Variants in MLXIP observed in about 807,000 individuals in gnomAD.
MLXIP encodes the protein MLX interacting protein, also known as MLX-interacting protein.
A neutral mutation model predicts 87.2 loss-of-function variants in MLXIP; 30 were observed. The observed-to-expected ratio is 0.34, with a 90% CI of 0.26 to 0.47. The LOEUF (loss-of-function observed/expected upper bound fraction) is 0.47, where lower values mean the gene tolerates loss of function less well. Among genes scored for constraint, MLXIP ranks in the 20% least tolerant of loss-of-function variants. MLXIP has a pLI of 1.00. For synonymous variants in MLXIP, 530 were observed against 514.0 expected, an observed-to-expected ratio of 1.03 and a Z score of -0.42; for missense variants, 1,002 against 1,240.1, an observed-to-expected ratio of 0.81 and a Z score of 2.88.
At chr12:122,101,570 T>C (rs535263037) in intron 1 of MLXIP, among the ~76,000 whole-genome samples, 3 of 98,886 alleles carry the variant, frequency 3.0e-5, no homozygotes, top group African/African-American at 1.4e-4. Context: ...TTATTTATTT[T>C]TTTCTTTTTT....
chr12:122,125,059 A>G (rs773191762), intron 1 of MLXIP, among the ~76,000 whole-genome samples: 1 of 152,220 alleles, frequency 6.6e-6, no homozygotes, highest in South Asian at 2.1e-4. Context: ...CCAGCTATAC[A>G]GGAGGCTGAG....
intron 3 of MLXIP, chr12:122,128,871 C>G: frequency 4.4e-6 from 2 of 451,856 alleles, no homozygotes; most frequent in South Asian, 5.6e-5. Context: ...CTGCTCTCAC[C>G]CTGTCCTCCT....
At chr12:122,094,929 G>A (rs1441041109) in intron 1 of MLXIP, among the ~76,000 whole-genome samples, 3 of 146,778 alleles carry the variant, frequency 2.0e-5, no homozygotes, top group Non-Finnish European at 4.5e-5. Flanking sequence ...GTCTGGTGTT[G>A]GTGTGTGATT....
rs570222996 is a variant in MLXIP, at chr12:122,137,968, C to A, written c.2155-226C>A. ...CTGGGATGCACCGGTTCAGCCCTGCCGTTCCCAGCCCCAGCTGTGCACCAT... is the reference window on the plus strand; with the variant it reads ...CTGGGATGCACCGGTTCAGCCCTGCAGTTCCCAGCCCCAGCTGTGCACCAT... On this transcript the variant is annotated intron_variant, in intron 12 of 16. Transcript: ENST00000319080. The surrounding 1 kb of genome is among the most constrained non-coding windows in gnomAD (Gnocchi z 4.1). 6.6e-6 allele frequency among the ~76,000 whole-genome samples: 1 copy of A among 152,202 alleles called. No individual in the cohort carries two copies. Among genetic ancestry groups the A allele is most frequent in the Non-Finnish European group, 1.5e-5 (1 of 68,018 alleles).
chr12:122,091,605 C>T (rs919595003), intron 1 of MLXIP, among the ~76,000 whole-genome samples: 6 of 152,178 alleles, frequency 3.9e-5, no homozygotes, highest in African/African-American at 1.4e-4. Flanking sequence ...AACTTAAATG[C>T]TCACAAGGGC....
Position 122,129,226 on chromosome 12 carries a change from G to C in MLXIP, c.696G>C (p.Arg232Ser). Residue 232 changes from arginine to serine, a missense_variant and splice_region_variant, in exon 4 of 17, where the codon AGG (arginine) becomes AGC (serine). Arg to Ser is a moderately radical substitution (Grantham distance 110). Coordinates refer to ENST00000319080, the MANE Select transcript of MLXIP (RefSeq NM_014938.6). ...YHKWRTYFKKRLQQHKDEDLS... is the reference protein window; with the variant it reads ...YHKWRTYFKKSLQQHKDEDLS... ...AGTGGAGAACCTACTTCAAGAAAAG[G>C]GTATCTGGCTGGAGTGTTCAGGCAG... 1 of 1,605,994 alleles carries C rather than the reference G, an allele frequency of 6.2e-7. No homozygotes were observed. Among genetic ancestry groups the C allele is most frequent in the Non-Finnish European group, 8.5e-7 (1 of 1,176,316 alleles).
chr12:122,122,796 C>G (rs1458682496), intron 1 of MLXIP, among the ~76,000 whole-genome samples: 3 of 151,994 alleles, frequency 2.0e-5, no homozygotes, highest in African/African-American at 7.2e-5. Context: ...ATACACCCGC[C>G]TCGGCCTCCC....
In MLXIP at chr12:122,133,985, C is replaced by T. The variant is rs1248581489; in HGVS notation, c.1730C>T (p.Pro577Leu). 6 of 1,594,646 alleles carry T rather than the reference C, an allele frequency of 3.8e-6. No homozygotes were observed. The highest frequency in any genetic ancestry group is 5.1e-6 in the Non-Finnish European group (6 of 1,169,464). The change falls in exon 9 of 17, where the codon CCA becomes CTA. Residue 577 changes from proline to leucine, a missense_variant and splice_region_variant. Transcript: ENST00000319080. The surrounding 1 kb of genome is among the most constrained non-coding windows in gnomAD (Gnocchi z 4.9). ...SLVLKNARIAPAAFSGQPQAV... is the reference protein window; with the variant it reads ...SLVLKNARIALAAFSGQPQAV... Reference sequence around the variant, plus strand: ...GTGTTGAAGAATGCCCGTATCGCCCCAGGTGAGCCAGGCGGGGAGACTCAG... The same window carrying T: ...GTGTTGAAGAATGCCCGTATCGCCCTAGGTGAGCCAGGCGGGGAGACTCAG...
At chr12:122,112,195 A>G (rs924333331) in intron 1 of MLXIP, among the ~76,000 whole-genome samples, 1 of 152,208 alleles carries the variant, frequency 6.6e-6, no homozygotes, top group Non-Finnish European at 1.5e-5. Flanking sequence ...GTGAAGATGC[A>G]ACATATGTTC....
chr12:122,146,765 C>A lies in MLXIP; in HGVS notation c.*4953C>A. 1 of 152,290 alleles carries A rather than the reference C, an allele frequency of 6.6e-6. No individual in the cohort carries two copies. The highest frequency in any genetic ancestry group is 1.9e-4 in the East Asian group (1 of 5,180). The allele number at this position is 152,290 out of a possible 1,614,324, so 9.4% of individuals were successfully genotyped here. A position where few individuals can be genotyped will look rare whatever the true frequency, so the allele number is the denominator to read the frequency against. On this transcript the variant is annotated 3_prime_UTR_variant, in exon 17 of 17. Coordinates refer to ENST00000319080, the MANE Select transcript of MLXIP (RefSeq NM_014938.6). ...TTCTGCGCTCTGAACCTGGGTGTAG[C>A]TCATTTGAAGGACTCTCTTCTGCGT... is the stretch of plus-strand genomic sequence containing the variant.
Position 122,135,264 on chromosome 12 carries a change from A to C in MLXIP, c.1773A>C (p.Ser591=), listed in dbSNP as rs375284494. Residue 591 remains serine (S), a synonymous_variant, in exon 10 of 17, where the codon TCA becomes TCC. Coordinates refer to ENST00000319080, the MANE Select transcript of MLXIP (RefSeq NM_014938.6). The surrounding 1 kb of genome is among the most constrained non-coding windows in gnomAD (Gnocchi z 5.3). The part of the protein sequence containing the change: ...SGQPQAVIMT[S]GPLKREGMLA... ...AACCACAAGCGGTGATCATGACGTC[A>C]GGGCCTCTGAAGAGAGAAGGGATGT... 4.3e-5 allele frequency: 69 copies of C among 1,613,486 alleles called. No homozygotes were observed. The highest frequency in any genetic ancestry group is 5.5e-5 in the Non-Finnish European group (65 of 1,179,872).
rs376536812 is a variant in MLXIP at position 122,133,873 on chromosome 12, C to T, written c.1618C>T (p.His540Tyr). The T allele has an allele frequency of 2.5e-6, 4 of 1,612,150 alleles. No individual in the cohort carries two copies. The African/African-American group carries it at 5.3e-5, about 22-fold the overall frequency. Residue 540 changes from histidine to tyrosine, a missense_variant, in exon 9 of 17, where the codon CAC (histidine) becomes TAC (tyrosine). By Grantham distance (83) the His-to-Tyr change is moderately conservative (BLOSUM62 2). Transcript: ENST00000319080. This position sits in a 1 kb window ranked among gnomAD's most constrained non-coding sequence, Gnocchi z 4.9. ...RPPQPRLTFV[H>Y]PKPVSLTGGR... ...TCCCCAGCCACGGTTAACTTTTGTG[C>T]ACCCCAAACCTGTATCCTTGACTGG...
At chr12:122,106,403 T>A (rs908499218) in intron 1 of MLXIP, among the ~76,000 whole-genome samples, 1 of 152,124 alleles carries the variant, frequency 6.6e-6, no homozygotes, top group African/African-American at 2.4e-5. Flanking sequence ...TCTTCTGCAT[T>A]AGCTCGTGAG....
intron 1 of MLXIP, among the ~76,000 whole-genome samples, chr12:122,108,342 C>G (rs1256076151): frequency 1.4e-5 from 2 of 144,456 alleles, no homozygotes; most frequent in African/African-American, 5.3e-5. Context: ...CAACTCTAGC[C>G]TGGCGACAGA....
chr12:122,100,247 C>T (rs1338909013), intron 1 of MLXIP, among the ~76,000 whole-genome samples: 1 of 152,208 alleles, frequency 6.6e-6, no homozygotes, highest in African/African-American at 2.4e-5. Flanking sequence ...TCTAAAATGA[C>T]TTCTTTAGGT....
intron 9 of MLXIP, chr12:122,134,959 C>T: frequency 2.4e-6 from 1 of 417,906 alleles, no homozygotes; most frequent in Non-Finnish European, 4.5e-6. Flanking sequence ...CAGATGTGAG[C>T]CATTGCACCC....
chr12:122,102,987 T>A (rs1952458466), intron 1 of MLXIP, among the ~76,000 whole-genome samples: 1 of 152,172 alleles, frequency 6.6e-6, no homozygotes, highest in African/African-American at 2.4e-5. Context: ...GCTCTCTGAA[T>A]ATATGAAACA....
At position 122,135,424 on chromosome 12, in the gene MLXIP, C is replaced by T. The variant is rs1212337402; in HGVS notation, c.1855-65C>T. ...GATCTTGGGCGGCCCTCACCTGAGA[C>T]GACTGGTGTGCCGCCCTGCTGTATA... On this transcript the variant is annotated intron_variant, in intron 10 of 16. Coordinates refer to ENST00000319080, the MANE Select transcript of MLXIP (RefSeq NM_014938.6). The surrounding 1 kb of genome is among the most constrained non-coding windows in gnomAD (Gnocchi z 5.3). 61 of 1,602,220 alleles carry T rather than the reference C, an allele frequency of 3.8e-5. No individual in the cohort carries two copies. Among genetic ancestry groups the T allele is most frequent in the East Asian group, 6.7e-5 (3 of 44,832 alleles).
chr12:122,090,960 A>G (rs1227761686), intron 1 of MLXIP, among the ~76,000 whole-genome samples: 2 of 152,142 alleles, frequency 1.3e-5, no homozygotes, highest in African/African-American at 2.4e-5. Flanking sequence ...GGCTGGGGAA[A>G]GGGAAAATGG....
Sources: allele counts gnomAD v4.1 joint callset (sites outside exome capture counted in the v4.1 genomes callset), GRCh38; gene constraint gnomAD v4.1.1; non-coding constraint Gnocchi (gnomAD v3.1); transcripts MANE v1.5; gene names NCBI Gene and HGNC (gene_info 2026-07-23, HGNC 2026-07-21).